The following MED27 variants were observed in gnomAD, a reference collection of about 807,000 sequenced individuals.
MED27 encodes the protein mediator complex subunit 27.
MED27 carries 30 observed loss-of-function variants against 38.2 expected under a neutral mutation model. The ratio of observed to expected loss-of-function variants is 0.79; its 90% CI spans 0.59 to 1.07. The LOEUF (loss-of-function observed/expected upper bound fraction) is 1.07. MED27 is among the 50% of genes least tolerant of loss of function. MED27 has a pLI of 0.00. For missense variants in MED27, 289 were observed against 397.5 expected (o/e 0.73, Z 2.32); for synonymous variants, 122 against 153.5 (o/e 0.79, Z 1.52).
At chr9:132,057,808 G>A (rs901155979) in intron 2 of MED27, among the ~76,000 whole-genome samples, 13 of 152,106 alleles carry the variant, frequency 8.5e-5, no homozygotes, top group Non-Finnish European at 1.8e-4. Flanking sequence ...TCAGCCCTCC[G>A]TGGTGACAAC....
intron 3 of MED27, among the ~76,000 whole-genome samples, chr9:131,948,462 G>C (rs1196982467): frequency 6.6e-6 from 1 of 151,330 alleles, no homozygotes; most frequent in African/African-American, 2.4e-5. Context: ...ACTCCGGCCT[G>C]GGTGATAGAC....
Position 131,862,847 on chromosome 9 carries a change from C to G in MED27, c.801+216G>C, listed in dbSNP as rs1838674837. Among the ~76,000 whole-genome samples, 1 of 152,200 alleles carries G rather than the reference C, an allele frequency of 6.6e-6. No individual in the cohort carries two copies. The highest frequency in any genetic ancestry group is 1.5e-5 in the Non-Finnish European group (1 of 68,034). Reference sequence around the variant, plus strand: ...ATCATTTCTGAAACCACCGCTTTTTCAGCAAGTAGAGAAAGCACCAGTGAA... The same window carrying G: ...ATCATTTCTGAAACCACCGCTTTTTGAGCAAGTAGAGAAAGCACCAGTGAA... On this transcript the variant is annotated intron_variant, in intron 7 of 7. Transcript: ENST00000292035. This position sits in a 1 kb window ranked among gnomAD's most constrained non-coding sequence, Gnocchi z 4.6.
At chr9:131,941,360 G>A (rs117231250) in intron 3 of MED27, among the ~76,000 whole-genome samples, 1 of 152,104 alleles carries the variant, frequency 6.6e-6, no homozygotes, top group Non-Finnish European at 1.5e-5. Context: ...TTGAACCTGG[G>A]GCTCATGAAA....
At chr9:132,045,369 T>C (rs181747198) in intron 2 of MED27, among the ~76,000 whole-genome samples, 3 of 151,684 alleles carry the variant, frequency 2.0e-5, no homozygotes, top group Admixed American at 2.0e-4. Context: ...ATGTATATTG[T>C]TGAATGAAAG....
At chr9:131,935,309 C>T (rs1398523395) in intron 4 of MED27, among the ~76,000 whole-genome samples, 1 of 152,142 alleles carries the variant, frequency 6.6e-6, no homozygotes, top group Non-Finnish European at 1.5e-5. Flanking sequence ...ACATCACAGG[C>T]CTGTATCAAA....
chr9:131,896,817 C>T lies in MED27; in HGVS notation c.574-2825G>A, dbSNP rs140714004. Among the ~76,000 whole-genome samples, 263 of 152,284 alleles carry T rather than the reference C, an allele frequency of 1.7e-3. 1 individual carries two copies. The highest frequency in any genetic ancestry group is 5.9e-3 in the African/African-American group (246 of 41,568). ...TGCCATCTCGGCTCACTGTAAACTC[C>T]GCCTCCCGGGTTCAAGCGATTTTCC... On this transcript the variant is annotated intron_variant, in intron 4 of 7. Transcript: ENST00000292035.
At chr9:131,998,188 T>C (rs1337324459) in intron 3 of MED27, among the ~76,000 whole-genome samples, 1 of 151,566 alleles carries the variant, frequency 6.6e-6, no homozygotes, top group Non-Finnish European at 1.5e-5. Flanking sequence ...GGAGCGCACT[T>C]GGGGAGAGCT....
chr9:131,915,694 G>A (rs571157684), intron 4 of MED27, among the ~76,000 whole-genome samples: 1 of 152,300 alleles, frequency 6.6e-6, no homozygotes, highest in East Asian at 1.9e-4. Flanking sequence ...CATGCCCACT[G>A]CCCACTGGCA....
intron 2 of MED27, among the ~76,000 whole-genome samples, chr9:132,029,995 G>A (rs556574327): frequency 6.6e-6 from 1 of 152,310 alleles, no homozygotes; most frequent in South Asian, 2.1e-4. Flanking sequence ...TGGGCTGGCT[G>A]TGCTTCCCAC....
At chr9:131,972,462 C>T (rs1831500857) in intron 3 of MED27, among the ~76,000 whole-genome samples, 2 of 152,122 alleles carry the variant, frequency 1.3e-5, no homozygotes, top group African/African-American at 4.8e-5. Flanking sequence ...TAACCTCCAG[C>T]AAGAAATTCT....
intron 3 of MED27, among the ~76,000 whole-genome samples, chr9:131,960,571 G>A (rs78181569): frequency 0.029 from 4,385 of 152,254 alleles, 214 homozygotes; most frequent in African/African-American, 0.1. Flanking sequence ...ATGCAACAGC[G>A]TTAAAGTCAA....
chr9:132,024,265 G>T (rs187886766), intron 2 of MED27, among the ~76,000 whole-genome samples: 1 of 152,322 alleles, frequency 6.6e-6, no homozygotes, highest in African/African-American at 2.4e-5. Flanking sequence ...GGCTTTAAAA[G>T]TGCCTTTTCC....
chr9:131,957,255 T>C (rs948869273), intron 3 of MED27, among the ~76,000 whole-genome samples: 5 of 151,980 alleles, frequency 3.3e-5, no homozygotes, highest in Admixed American at 1.3e-4. Flanking sequence ...AGCAGTTTTA[T>C]TCTTTTATTC....
Position 132,014,457 on chromosome 9 carries a change from TG to T in MED27, c.358del (p.His120MetfsTer4). 1 of 1,613,782 alleles carries T rather than the reference TG, an allele frequency of 6.2e-7. No homozygotes were observed. On this transcript the variant is annotated frameshift_variant, in exon 3 of 8. Coordinates refer to ENST00000292035, the MANE Select transcript of MED27 (RefSeq NM_004269.4). LOFTEE classifies it high-confidence loss of function. ...AYKWSNKLQYHAGLASGLLNQ... is the reference protein window; with the variant it reads ...AYKWSNKLQYXAGLASGLLNQ... ...TAAAAGGCCAGATGCTAGTCCTGCA[TG>T]GTACTGCAACTGCAGAGAAAAACAA...
At chr9:132,046,891 C>T (rs939950525) in intron 2 of MED27, among the ~76,000 whole-genome samples, 2 of 151,960 alleles carry the variant, frequency 1.3e-5, no homozygotes, top group Non-Finnish European at 1.5e-5. Flanking sequence ...CAAATAAAGC[C>T]CCAGTTTTTT....
chr9:131,902,244 G>A (rs1310225675), intron 4 of MED27, among the ~76,000 whole-genome samples: 2 of 152,126 alleles, frequency 1.3e-5, no homozygotes, highest in Non-Finnish European at 2.9e-5. Flanking sequence ...TCTGAATTCT[G>A]CACAGCTGCT....
chr9:131,938,029 G>T (rs1193891011), intron 4 of MED27, among the ~76,000 whole-genome samples: 2 of 152,088 alleles, frequency 1.3e-5, no homozygotes, highest in Admixed American at 1.3e-4. Context: ...TTAACTGAAA[G>T]AAATTTTTTA....
At chr9:132,049,931 C>G (rs1273695899) in intron 2 of MED27, among the ~76,000 whole-genome samples, 3 of 152,112 alleles carry the variant, frequency 2.0e-5, no homozygotes. Context: ...ATGTTTTACA[C>G]TATTTTAAGT....
At chr9:131,890,361 C>T (rs897214043) in intron 5 of MED27, among the ~76,000 whole-genome samples, 7 of 152,150 alleles carry the variant, frequency 4.6e-5, no homozygotes, top group Admixed American at 1.3e-4. Flanking sequence ...TAAAGGGGGA[C>T]GCAAGGCTTC....
Sources: gnomAD v4.1 joint callset for allele counts (sites outside exome capture counted in the v4.1 genomes callset) on GRCh38, gnomAD v4.1.1 for gene constraint, Gnocchi (gnomAD v3.1) non-coding constraint, MANE v1.5 for transcripts, NCBI Gene and HGNC (gene_info 2026-07-23, HGNC 2026-07-21) for gene names.